WDR97: variants seen among roughly 807,000 people sequenced by gnomAD.
WDR97 encodes WD repeat-containing protein 97.
In WDR97, 111 loss-of-function variants were observed where a neutral mutation model predicts 65.4. The ratio of observed to expected loss-of-function variants is 1.70; its 90% CI spans 1.45 to 1.99. WDR97 has a LOEUF of 1.99. WDR97 is among the 30% of genes most tolerant of loss of function. WDR97 has a pLI of 0.00. For missense variants in WDR97, 1,674 were observed against 865.0 expected, an observed-to-expected ratio of 1.94 and a Z score of -11.73; for synonymous variants, 802 against 397.7, an observed-to-expected ratio of 2.02 and a Z score of -12.10.
At chr8:144,113,589 T>G (rs1193422497) in intron 16 of WDR97, 68 bp from the exon 17 acceptor site, 1 of 667,536 alleles carries the variant, frequency 1.5e-6, no homozygotes, top group Non-Finnish European at 2.8e-6. Context: ...GGGCTGGGGG[T>G]TTTGCCGGCA....
At position 144,108,493 on chromosome 8, in the gene WDR97, A is replaced by T. The variant is rs776440498; in HGVS notation, c.427A>T (p.Thr143Ser). 28 of 700,754 alleles carry T rather than the reference A, an allele frequency of 4.0e-5. No individual in the cohort carries two copies. The highest frequency in any genetic ancestry group is 1.6e-5 in the Non-Finnish European group (6 of 384,230). 43.4% of individuals were successfully genotyped at this position (700,754 alleles called of 1,614,324 possible). A position where few individuals can be genotyped will look rare whatever the true frequency, so the allele number is the denominator to read the frequency against. ...CAAGGAAGACGGCTGGGCACAGGAG[A>T]CGCTGCTGGCGCCTGTCCGGCTTAC... ...LHKEDGWAQE[T>S]LLAPVRLTGL... The change falls in exon 3 of 24, where the codon ACG (threonine) becomes TCG (serine). Residue 143 changes from threonine (T) to serine (S), a missense_variant. Thr to Ser is a moderately conservative substitution (Grantham distance 58, BLOSUM62 1). Transcript: ENST00000323662.
chr8:144,111,997 G>T lies in WDR97; in HGVS notation c.2748G>T (p.Arg916=). 1 of 702,614 alleles carries T rather than the reference G, an allele frequency of 1.4e-6. No homozygotes were observed. The highest frequency in any genetic ancestry group is 2.6e-6 in the Non-Finnish European group (1 of 384,974). 43.5% of individuals were successfully genotyped at this position (702,614 alleles called of 1,614,324 possible). Residue 916 remains arginine (R), a synonymous_variant, in exon 13 of 24, where the codon CGG becomes CGT. Coordinates refer to ENST00000323662, the MANE Select transcript of WDR97 (RefSeq NM_001316309.2). ...CCCAAGCTGCCCACTGTCTTGCCCG[G>T]GCTGAGGTCAGCACTGCAGCCCAAA... ...AVPQAAHCLA[R]AEVSTAAQTV...
intron 15 of WDR97, 150 bp from the exon 16 acceptor site, chr8:144,113,290 G>C (rs1412062835): frequency 3.0e-6 from 2 of 656,412 alleles, no homozygotes; most frequent in African/African-American, 3.6e-5. Flanking sequence ...GTTGAGAGTA[G>C]GGGTTGCTAG....
At chr8:144,113,540 C>T (rs1836589252) in intron 16 of WDR97, 23 bp downstream of exon 16, 1 of 689,300 alleles carries the variant, frequency 1.5e-6, no homozygotes, top group Non-Finnish European at 2.7e-6. Context: ...GGATCCCCGA[C>T]TCAGCTCGCC....
chr8:144,114,492 G>A lies in WDR97; in HGVS notation c.3792+17G>A. 1 of 700,816 alleles carries A rather than the reference G, an allele frequency of 1.4e-6. No individual in the cohort carries two copies. The highest frequency in any genetic ancestry group is 1.5e-5 in the South Asian group (1 of 67,560). The allele number at this position is 700,816 out of a possible 1,614,324, so 43.4% of individuals were successfully genotyped here. ...AGCCTCCAGGTGTGCCCCTTGTCCT[G>A]CCCCCAGTTTTCCTCCCCGCCCACC... On this transcript the variant is annotated intron_variant, in intron 19 of 23. Transcript: ENST00000323662.
At position 144,116,569 on chromosome 8, in the gene WDR97, T is replaced by A. The variant is rs1458322759; in HGVS notation, c.*276T>A. 117 of 390,626 alleles carry A rather than the reference T, an allele frequency of 3.0e-4. No homozygotes were observed. Among genetic ancestry groups the A allele is most frequent in the African/African-American group, 2.3e-3 (109 of 47,642 alleles). The allele number at this position is 390,626 out of a possible 1,614,324, so 24.2% of individuals were successfully genotyped here. On this transcript the variant is annotated 3_prime_UTR_variant, in exon 24 of 24. Transcript: ENST00000323662. ...AGAGGAGACCCATAGCGGGGTACCATCCGCTGGGCACTGAGCAAACGTTTT... is the reference window on the plus strand; with the variant it reads ...AGAGGAGACCCATAGCGGGGTACCAACCGCTGGGCACTGAGCAAACGTTTT...
Position 144,116,156 on chromosome 8 carries a change from C to G in WDR97, c.4732C>G (p.Pro1578Ala), listed in dbSNP as rs1836659470. 5.7e-6 allele frequency: 4 copies of G among 700,324 alleles called. No homozygotes were observed. The highest frequency in any genetic ancestry group is 1.0e-5 in the Non-Finnish European group (4 of 383,684). 43.4% of individuals were successfully genotyped at this position (700,324 alleles called of 1,614,324 possible). A position where few individuals can be genotyped will look rare whatever the true frequency, so the allele number is the denominator to read the frequency against. Residue 1578 changes from proline (P) to alanine (A), a missense_variant, in exon 24 of 24, where the codon CCG becomes GCG. Transcript: ENST00000323662. ...LDGPIRTLKL[P>A]LPRVEPQPFP... Reference sequence around the variant, plus strand: ...CGGCCCCATCCGGACGCTGAAGCTGCCGTTGCCGCGTGTGGAGCCGCAGCC... The same window carrying G: ...CGGCCCCATCCGGACGCTGAAGCTGGCGTTGCCGCGTGTGGAGCCGCAGCC...
chr8:144,109,332 C>A lies in WDR97; in HGVS notation c.1001-3C>A. The stretch of plus-strand genomic sequence containing the variant: ...GGCCGAGTGACCTGCACCCCTCCCA[C>A]AGGCCCGGTGACGGCTATGACTGTG... On this transcript the variant is annotated splice_polypyrimidine_tract_variant and splice_region_variant and intron_variant, in intron 4 of 23. Transcript: ENST00000323662. 1.4e-6 allele frequency: 1 copy of A among 702,110 alleles called. No individual in the cohort carries two copies. Among genetic ancestry groups the A allele is most frequent in the South Asian group, 1.5e-5 (1 of 67,502 alleles). 43.5% of individuals were successfully genotyped at this position (702,110 alleles called of 1,614,324 possible).
chr8:144,115,564 G>A lies in WDR97; in HGVS notation c.4301G>A (p.Arg1434His), dbSNP rs1836634768. ...CGCAGCTGGGGGACCCCTCAGCTCCGTCTCAGAGTGCTCTCCGAGACGCTG... is the reference window on the plus strand; with the variant it reads ...CGCAGCTGGGGGACCCCTCAGCTCCATCTCAGAGTGCTCTCCGAGACGCTG... Reference protein sequence around the residue: ...PKRSWGTPQLRLRVLSETLKS... With the variant: ...PKRSWGTPQLHLRVLSETLKS... The change falls in exon 22 of 24, where the codon CGT (arginine) becomes CAT (histidine). Residue 1434 changes from arginine (R) to histidine (H), a missense_variant. Arg to His is a conservative substitution (Grantham distance 29). Coordinates refer to ENST00000323662, the MANE Select transcript of WDR97 (RefSeq NM_001316309.2). 2 of 695,372 alleles carry A rather than the reference G, an allele frequency of 2.9e-6. No homozygotes were observed. The highest frequency in any genetic ancestry group is 5.3e-6 in the Non-Finnish European group (2 of 380,732). 43.1% of individuals were successfully genotyped at this position (695,372 alleles called of 1,614,324 possible). A position where few individuals can be genotyped will look rare whatever the true frequency, so the allele number is the denominator to read the frequency against.
At position 144,116,404 on chromosome 8, in the gene WDR97, C is replaced by A; in HGVS notation, c.*111C>A. Reference sequence around the variant, plus strand: ...ATTTCTTTCTGCAGGATGCCGCCTGCTTTGGAGGGCCCCGGGGTGCGCACG... The same window carrying A: ...ATTTCTTTCTGCAGGATGCCGCCTGATTTGGAGGGCCCCGGGGTGCGCACG... On this transcript the variant is annotated 3_prime_UTR_variant, in exon 24 of 24. Coordinates refer to ENST00000323662, the MANE Select transcript of WDR97 (RefSeq NM_001316309.2). 5.3e-6 allele frequency: 3 copies of A among 562,008 alleles called. No homozygotes were observed. The highest frequency in any genetic ancestry group is 9.5e-6 in the Non-Finnish European group (3 of 317,388). The allele number at this position is 562,008 out of a possible 1,614,324, so 34.8% of individuals were successfully genotyped here.
rs137941225 is a variant in WDR97, at chr8:144,109,545, G to C, written c.1211G>C (p.Ser404Thr). 2.9e-6 allele frequency: 2 copies of C among 697,458 alleles called. No individual in the cohort carries two copies. The highest frequency in any genetic ancestry group is 1.5e-5 in the South Asian group (1 of 67,350). 43.2% of individuals were successfully genotyped at this position (697,458 alleles called of 1,614,324 possible). ...PGWPVLSLCASSMQLWRVREL... is the reference protein window; with the variant it reads ...PGWPVLSLCATSMQLWRVREL... ...TGGCCGGTGCTGTCCCTGTGCGCGAGCAGCATGCAGCTGTGGCGCGTACGC... is the reference window on the plus strand; with the variant it reads ...TGGCCGGTGCTGTCCCTGTGCGCGACCAGCATGCAGCTGTGGCGCGTACGC... The change falls in exon 5 of 24, where the codon AGC becomes ACC. Residue 404 changes from serine (S) to threonine (T), a missense_variant. Physicochemically the swap from Ser to Thr is moderately conservative, Grantham distance 58. Coordinates refer to ENST00000323662, the MANE Select transcript of WDR97 (RefSeq NM_001316309.2).
intron 9 of WDR97, 29 bp downstream of exon 9, chr8:144,111,025 T>G: frequency 1.4e-6 from 1 of 702,316 alleles, no homozygotes; most frequent in African/African-American, 1.7e-5. Context: ...GTGAGCAAGG[T>G]GGGCCCCCCT....
rs1836587540 is a variant in WDR97, at chr8:144,113,462, TC to T, written c.3132del (p.Gly1045AlafsTer14). 4.3e-6 allele frequency: 3 copies of T among 702,204 alleles called. No homozygotes were observed. The highest frequency in any genetic ancestry group is 2.6e-6 in the Non-Finnish European group (1 of 384,812). 43.5% of individuals were successfully genotyped at this position (702,204 alleles called of 1,614,324 possible). The stretch of plus-strand genomic sequence containing the variant: ...CAGCACTGCCTGAGGCCCATCTGCT[TC>T]CCCGGCTATGTGCCCAACTCCGCGG... The part of the protein sequence containing the change: ...PHKHCLRPIC[F>X]PGYVPNSAVL... On this transcript the variant is annotated frameshift_variant, in exon 16 of 24. Coordinates refer to ENST00000323662, the MANE Select transcript of WDR97 (RefSeq NM_001316309.2). LOFTEE classifies it high-confidence loss of function.
Position 144,108,909 on chromosome 8 carries a change from G to C in WDR97, c.843G>C (p.Trp281Cys). The change falls in exon 3 of 24, where the codon TGG (tryptophan) becomes TGC (cysteine). Residue 281 changes from tryptophan (W) to cysteine (C), a missense_variant. By Grantham distance (215) the Trp-to-Cys change is radical. Transcript: ENST00000323662. ...TGCTCACCTTCGATCTGCATGCCTG[G>C]ACTCTCGTAGATGTGCGCCGGGATT... The part of the protein sequence containing the change: ...SAVLTFDLHA[W>C]TLVDVRRDLH... 1 of 702,966 alleles carries C rather than the reference G, an allele frequency of 1.4e-6. No individual in the cohort carries two copies. The highest frequency in any genetic ancestry group is 2.6e-6 in the Non-Finnish European group (1 of 384,996). The allele number at this position is 702,966 out of a possible 1,614,324, so 43.5% of individuals were successfully genotyped here. A position where few individuals can be genotyped will look rare whatever the true frequency, so the allele number is the denominator to read the frequency against.
At position 144,111,115 on chromosome 8, in the gene WDR97, G is replaced by A. The variant is rs776358882; in HGVS notation, c.2319G>A (p.Lys773=). Residue 773 remains lysine (K), a synonymous_variant, in exon 10 of 24, where the codon AAG becomes AAA. Transcript: ENST00000323662. ...TSYLVKKMCR[K]APDVVDDPPL... ...CCCCTATTCAGAAGATGTGCCGGAA[G>A]GCCCCAGACGTGGTGGACGACCCTC... The A allele has an allele frequency of 3.8e-5, 27 of 702,674 alleles. No homozygotes were observed. Among genetic ancestry groups the A allele is most frequent in the Non-Finnish European group, 6.8e-5 (26 of 385,014 alleles). 43.5% of individuals were successfully genotyped at this position (702,674 alleles called of 1,614,324 possible).
In WDR97 at chr8:144,108,656, G is replaced by T; in HGVS notation, c.590G>T (p.Trp197Leu). 3 of 700,542 alleles carry T rather than the reference G, an allele frequency of 4.3e-6. No homozygotes were observed. The highest frequency in any genetic ancestry group is 1.5e-5 in the South Asian group (1 of 67,488). 43.4% of individuals were successfully genotyped at this position (700,542 alleles called of 1,614,324 possible). A position where few individuals can be genotyped will look rare whatever the true frequency, so the allele number is the denominator to read the frequency against. ...CAGGGGGTGGGCAGGGCCCCGGGTT[G>T]GGCGCCCACCTGCTGCCTGCCGGTT... Reference protein sequence around the residue: ...SEQGVGRAPGWAPTCCLPVPD... With the variant: ...SEQGVGRAPGLAPTCCLPVPD... The change falls in exon 3 of 24, where the codon TGG becomes TTG. Residue 197 changes from tryptophan (W) to leucine (L), a missense_variant. By Grantham distance (61) the Trp-to-Leu change is moderately conservative. Transcript: ENST00000323662.
Position 144,115,537 on chromosome 8 carries a change from A to C in WDR97, c.4274A>C (p.Lys1425Thr), listed in dbSNP as rs12543080. ...ELQAQRMLAP[K>T]RSWGTPQLRL... ...CAGGCCCAGCGGATGCTGGCACCCA[A>C]GCGCAGCTGGGGGACCCCTCAGCTC... The change falls in exon 22 of 24, where the codon AAG becomes ACG. Residue 1425 changes from lysine to threonine, a missense_variant. Coordinates refer to ENST00000323662, the MANE Select transcript of WDR97 (RefSeq NM_001316309.2). 623,074 of 697,028 alleles carry C rather than the reference A, an allele frequency of 0.89. 283,561 individuals are homozygous for C. The highest frequency in any genetic ancestry group is 1 in the East Asian group (36,981 of 37,144). 43.2% of individuals were successfully genotyped at this position (697,028 alleles called of 1,614,324 possible).
Position 144,110,008 on chromosome 8 carries a change from G to T in WDR97, c.1674G>T (p.Val558=), listed in dbSNP as rs1836513440. The T allele has an allele frequency of 1.4e-6, 1 of 698,484 alleles. No homozygotes were observed. Among genetic ancestry groups the T allele is most frequent in the Non-Finnish European group, 2.6e-6 (1 of 382,062 alleles). 43.3% of individuals were successfully genotyped at this position (698,484 alleles called of 1,614,324 possible). A position where few individuals can be genotyped will look rare whatever the true frequency, so the allele number is the denominator to read the frequency against. ...QHWGELRCSS[V]ACAWKNKNRY... is the part of the protein sequence containing the mutation. ...GGGGCGAGTTGCGCTGCAGCTCTGTGGCCTGCGCCTGGAAGAACAAGAACC... is the reference window on the plus strand; with the variant it reads ...GGGGCGAGTTGCGCTGCAGCTCTGTTGCCTGCGCCTGGAAGAACAAGAACC... Residue 558 remains valine, a synonymous_variant, in exon 5 of 24, where the codon GTG becomes GTT. Transcript: ENST00000323662.
At position 144,113,654 on chromosome 8, in the gene WDR97, C is replaced by T. The variant is rs1389229576; in HGVS notation, c.3184-3C>T. On this transcript the variant is annotated splice_region_variant and splice_polypyrimidine_tract_variant and intron_variant, in intron 16 of 23. Transcript: ENST00000323662. ...TCAGGCACCATCTCTTGCCCCTCTG[C>T]AGCCAGGGGCAAGCCAGGATGCCCT... The T allele has an allele frequency of 3.7e-5, 24 of 653,060 alleles. No homozygotes were observed. The East Asian group carries it at 6.5e-4, about 18-fold the overall frequency. 40.5% of individuals were successfully genotyped at this position (653,060 alleles called of 1,614,324 possible). A position where few individuals can be genotyped will look rare whatever the true frequency, so the allele number is the denominator to read the frequency against.
Sources: gnomAD v4.1 joint callset for allele counts on GRCh38, gnomAD v4.1.1 for gene constraint, MANE v1.5 for transcripts, NCBI Gene and HGNC (gene_info 2026-07-23, HGNC 2026-07-21) for gene names.